The following CLPTM1 variants were observed in gnomAD, a reference collection of about 807,000 sequenced individuals.
The protein encoded by CLPTM1 is putative lipid scramblase CLPTM1.
A neutral mutation model predicts 77.3 loss-of-function variants in CLPTM1; 21 were observed. That is an observed-to-expected ratio of 0.27 (90% CI 0.19 to 0.39). The LOEUF (loss-of-function observed/expected upper bound fraction) is 0.39. Ranked by LOEUF, CLPTM1 falls within the 10% of genes least tolerant of loss-of-function variation. The pLI is 1.00. For missense variants in CLPTM1, 642 were observed against 921.2 expected (o/e 0.70, Z 3.92); for synonymous variants, 373 against 381.0 (o/e 0.98, Z 0.24).
At chr19:44,968,271 T>C (rs1037047773) in intron 2 of CLPTM1, among the ~76,000 whole-genome samples, 2 of 152,146 alleles carry the variant, frequency 1.3e-5, no homozygotes, top group Non-Finnish European at 2.9e-5. Flanking sequence ...ATGAACTCCT[T>C]GTAGCTTGAA....
chr19:44,986,290 A>AG (rs58800134), intron 6 of CLPTM1, among the ~76,000 whole-genome samples, 165 bp from the exon 7 acceptor site: 151,656 of 151,708 alleles, frequency 1, 75,802 homozygotes, highest in Middle Eastern at 1. Context: ...GCTTGAGCCC[A>AG]GAATTCGAGA....
chr19:44,954,959 A>G (rs977380927), upstream of CLPTM1: 1 of 1,532,586 alleles, frequency 6.5e-7, no homozygotes, highest in East Asian at 2.4e-5. Context: ...TCCTCTGACG[A>G]AAGAGGGGCG....
Position 44,964,298 on chromosome 19 carries a change from C to CTTTTTTTTTTTTTTTTTT in CLPTM1, c.185+2236_185+2253dup, listed in dbSNP as rs35539206. The stretch of plus-strand genomic sequence containing the variant: ...TTTTAACCTATGTTTTCATTTTAAC[C>CTTTTTTTTTTTTTTTTTT]TTTTTTTTTTTTTTTTTTTTTTTTT... On this transcript the variant is annotated intron_variant, in intron 2 of 13. Transcript: ENST00000337392. 1.9e-4 allele frequency among the ~76,000 whole-genome samples: 13 copies of CTTTTTTTTTTTTTTTTTT among 68,122 alleles called. 2 individuals carry two copies. Among genetic ancestry groups the CTTTTTTTTTTTTTTTTTT allele is most frequent in the African/African-American group, 2.5e-4 (4 of 16,010 alleles). The allele number at this position is 68,122 out of a possible 152,430, so 44.7% of individuals were successfully genotyped here.
At chr19:44,965,055 T>C (rs898073490) in intron 2 of CLPTM1, among the ~76,000 whole-genome samples, 14 of 152,192 alleles carry the variant, frequency 9.2e-5, no homozygotes, top group African/African-American at 3.4e-4. Context: ...GCTCTGAGCC[T>C]TTGTTTACTC....
intron 1 of CLPTM1, among the ~76,000 whole-genome samples, chr19:44,957,135 G>A (rs1970476593): frequency 1.3e-5 from 2 of 152,214 alleles, no homozygotes; most frequent in Admixed American, 1.3e-4. Flanking sequence ...TGCGCTAAAG[G>A]GGATCCGCTG....
intron 2 of CLPTM1, among the ~76,000 whole-genome samples, chr19:44,967,280 C>G (rs1970648230): frequency 6.6e-6 from 1 of 152,078 alleles, no homozygotes; most frequent in African/African-American, 2.4e-5. Flanking sequence ...GATGATACTA[C>G]TGCACTCCAG....
At chr19:44,965,496 CA>C (rs925803308) in intron 2 of CLPTM1, among the ~76,000 whole-genome samples, 29 of 137,982 alleles carry the variant, frequency 2.1e-4, no homozygotes, top group African/African-American at 2.4e-4. Context: ...GACTGAGTCT[CA>C]AAAAAAAAAG....
At chr19:44,964,025 C>G in intron 2 of CLPTM1, among the ~76,000 whole-genome samples, 1 of 151,680 alleles carries the variant, frequency 6.6e-6, no homozygotes, top group East Asian at 1.9e-4. Context: ...CTCAGCCTCC[C>G]AAAGTGCTGG....
intron 2 of CLPTM1, 100 bp from the exon 3 acceptor site, chr19:44,972,987 G>A: frequency 6.6e-7 from 1 of 1,519,394 alleles, no homozygotes; most frequent in East Asian, 2.3e-5. Context: ...ACTAGCCCCA[G>A]GTCAGGCGCC....
chr19:44,993,252 C>G lies in CLPTM1; in HGVS notation c.*355C>G, dbSNP rs1156628123. 2.0e-6 allele frequency: 1 copy of G among 499,650 alleles called. No homozygotes were observed. The highest frequency in any genetic ancestry group is 1.9e-5 in the African/African-American group (1 of 52,346). 31.0% of individuals were successfully genotyped at this position (499,650 alleles called of 1,614,324 possible). A position where few individuals can be genotyped will look rare whatever the true frequency, so the allele number is the denominator to read the frequency against. ...CACGGCCGTTCATCATCTTGTCCCT[C>G]GTCCCCCTACCACACTCCCCCTCCT... On this transcript the variant is annotated 3_prime_UTR_variant, in exon 14 of 14. Coordinates refer to ENST00000337392, the MANE Select transcript of CLPTM1 (RefSeq NM_001294.4).
At position 44,975,002 on chromosome 19, in the gene CLPTM1, G is replaced by A. The variant is rs569790867; in HGVS notation, c.468+405G>A. Among the ~76,000 whole-genome samples the A allele has an allele frequency of 1.1e-4, 17 of 152,276 alleles. No homozygotes were observed. The South Asian group carries it at 2.9e-3, about 26-fold the overall frequency. On this transcript the variant is annotated intron_variant, in intron 4 of 13. Transcript: ENST00000337392. ...CTAGGCTGACTCATGGAAATTTCCCGGCAACCCTGTGAAGCAGGAACTGTT... is the reference window on the plus strand; with the variant it reads ...CTAGGCTGACTCATGGAAATTTCCCAGCAACCCTGTGAAGCAGGAACTGTT...
intron 4 of CLPTM1, among the ~76,000 whole-genome samples, chr19:44,976,240 C>T (rs1645863019): frequency 6.6e-6 from 1 of 152,084 alleles, no homozygotes; most frequent in Non-Finnish European, 1.5e-5. Context: ...CAAGGAAGGA[C>T]CAGGGCCTGG....
At position 44,992,149 on chromosome 19, in the gene CLPTM1, GA is replaced by G; in HGVS notation, c.1556-83del. On this transcript the variant is annotated intron_variant, in intron 12 of 13. Transcript: ENST00000337392. The surrounding 1 kb of genome is among the most constrained non-coding windows in gnomAD (Gnocchi z 7.7). ...AGTGTGCCCAGGTGTAGGAAGTGGT[GA>G]GGGGGCTGGTATGGCCAGTGCAGAG... is the stretch of plus-strand genomic sequence containing the variant. 6.9e-7 allele frequency: 1 copy of G among 1,439,928 alleles called. No individual in the cohort carries two copies. Among genetic ancestry groups the G allele is most frequent in the Non-Finnish European group, 9.6e-7 (1 of 1,038,616 alleles). 89.2% of individuals were successfully genotyped at this position (1,439,928 alleles called of 1,614,324 possible).
intron 2 of CLPTM1, among the ~76,000 whole-genome samples, chr19:44,966,979 C>G (rs1383367557): frequency 1.3e-5 from 2 of 152,060 alleles, no homozygotes; most frequent in African/African-American, 4.8e-5. Flanking sequence ...GTAGCTGGGA[C>G]TACAGGCGCC....
upstream of CLPTM1, chr19:44,954,869 T>C (rs2122222267): frequency 1.6e-6 from 2 of 1,222,034 alleles, no homozygotes; most frequent in East Asian, 5.1e-5. Context: ...GAAAGAGTTG[T>C]CTTAGGAAGA....
At chr19:44,955,213 G>A (rs1970439673), upstream of CLPTM1, 1 of 1,526,496 alleles carries the variant, frequency 6.6e-7, no homozygotes, top group Non-Finnish European at 8.8e-7. Context: ...AGAAAGACGA[G>A]TACGGTGGCC....
chr19:44,976,527 A>G (rs1197755360), intron 4 of CLPTM1, among the ~76,000 whole-genome samples: 5 of 152,190 alleles, frequency 3.3e-5, no homozygotes, highest in Non-Finnish European at 4.4e-5. Flanking sequence ...GGAGAACACA[A>G]TGTGGCCAAC....
At chr19:44,982,938 G>A (rs1439375619) in intron 5 of CLPTM1, among the ~76,000 whole-genome samples, 1 of 152,088 alleles carries the variant, frequency 6.6e-6, no homozygotes, top group African/African-American at 2.4e-5. Flanking sequence ...GTGGATGCCT[G>A]TAATCCCGGC....
At chr19:44,954,641 C>G (rs1970428302), upstream of CLPTM1, 45 of 1,099,862 alleles carry the variant, frequency 4.1e-5, no homozygotes, top group Non-Finnish European at 5.0e-5. Context: ...TACGAAGACA[C>G]ACAGCTAATG....
Sources: allele counts gnomAD v4.1 joint callset (sites outside exome capture counted in the v4.1 genomes callset), GRCh38; gene constraint gnomAD v4.1.1; non-coding constraint Gnocchi (gnomAD v3.1); transcripts MANE v1.5; gene names NCBI Gene and HGNC (gene_info 2026-07-23, HGNC 2026-07-21).